The following GAS7 variants were observed in gnomAD, a reference collection of about 807,000 sequenced individuals.
GAS7 encodes growth arrest-specific protein 7.
Under a neutral mutation model 71.1 loss-of-function variants are expected in GAS7, and 28 were observed. That is an observed-to-expected ratio of 0.39 (90% CI 0.29 to 0.54). GAS7 has a LOEUF of 0.54. GAS7 is among the 20% of genes least tolerant of loss of function. The pLI, the probability that GAS7 is intolerant of heterozygous loss-of-function variation, is 0.62. For missense variants in GAS7, 436 were observed against 627.8 expected, an observed-to-expected ratio of 0.69 and a Z score of 3.27; for synonymous variants, 258 against 245.8, an observed-to-expected ratio of 1.05 and a Z score of -0.46.
In GAS7 at chr17:9,915,115, T is replaced by C. The variant is rs1850050378; in HGVS notation, c.*2113A>G. The C allele has an allele frequency of 4.3e-6, 1 of 230,766 alleles. No homozygotes were observed. The highest frequency in any genetic ancestry group is 1.8e-4 in the South Asian group (1 of 5,474). 14.3% of individuals were successfully genotyped at this position (230,766 alleles called of 1,614,324 possible). On this transcript the variant is annotated 3_prime_UTR_variant, in exon 14 of 14. Transcript: ENST00000432992. ...GGTGAGGGGATGAGGGGGGAAAGAG[T>C]GACCTCCAAAAATGGACTGGCCCAA...
chr17:9,934,499 G>T (rs947561398), intron 8 of GAS7, among the ~76,000 whole-genome samples: 2 of 146,394 alleles, frequency 1.4e-5, no homozygotes, highest in African/African-American at 5.1e-5. Context: ...GCCAAGAGGT[G>T]GGGGGGGTGG....
At chr17:9,935,640 C>G (rs1033912384) in intron 8 of GAS7, among the ~76,000 whole-genome samples, 2 of 152,230 alleles carry the variant, frequency 1.3e-5, no homozygotes, top group African/African-American at 4.8e-5. Context: ...GCAGATCCCT[C>G]TGATGGCTGG....
At chr17:10,064,702 T>A (rs2152244150) in intron 1 of GAS7, among the ~76,000 whole-genome samples, 1 of 152,284 alleles carries the variant, frequency 6.6e-6, no homozygotes. Context: ...GGAAGAGGGC[T>A]GATGAGGAAG....
chr17:10,135,944 C>T (rs2142091826), intron 1 of GAS7, among the ~76,000 whole-genome samples: 1 of 152,258 alleles, frequency 6.6e-6, no homozygotes, highest in East Asian at 1.9e-4. Flanking sequence ...TTTTGGAGTT[C>T]AGATGTGGGG....
chr17:10,159,952 A>G (rs1464712562), intron 1 of GAS7, among the ~76,000 whole-genome samples: 1 of 150,574 alleles, frequency 6.6e-6, no homozygotes, highest in Admixed American at 6.6e-5. Context: ...CACCTAGCTA[A>G]TTTTTTTGTA....
At chr17:10,041,213 T>G (rs1188433555) in intron 1 of GAS7, among the ~76,000 whole-genome samples, 1 of 151,106 alleles carries the variant, frequency 6.6e-6, no homozygotes, top group East Asian at 1.9e-4. Flanking sequence ...TGAACCTAGA[T>G]GGCCAAGACC....
In GAS7 at chr17:10,118,888, C is replaced by T. The variant is rs1055930138; in HGVS notation, c.183+79320G>A. Among the ~76,000 whole-genome samples the T allele has an allele frequency of 4.6e-5, 7 of 152,162 alleles. No homozygotes were observed. The East Asian group carries it at 7.8e-4, about 17-fold the overall frequency. ...CCCCTCCCACTGGACACCAGCACAA[C>T]GTACACATGCCACATGGTGACATGC... On this transcript the variant is annotated intron_variant, in intron 1 of 13. Transcript: ENST00000432992.
rs1171595470 is a variant in GAS7 at position 9,925,672 on chromosome 17, G to A, written c.1015-73C>T. On this transcript the variant is annotated intron_variant, in intron 10 of 13. Transcript: ENST00000432992. ...TGGGCCTCCTGGGCCACGCAGCCCA[G>A]CTTCCCTTTGGAGTCCTTTCGCCCC... 4 of 1,559,864 alleles carry A rather than the reference G, an allele frequency of 2.6e-6. No homozygotes were observed. In the African/African-American group the frequency reaches 5.4e-5, roughly 21 times the overall value.
intron 4 of GAS7, among the ~76,000 whole-genome samples, chr17:9,964,611 A>G (rs2069631448): frequency 6.6e-6 from 1 of 152,180 alleles, no homozygotes; most frequent in South Asian, 2.1e-4. Context: ...ACCCTTGCTC[A>G]TCATTCCAGT....
rs370125054 is a variant in GAS7, at chr17:9,969,766, C to A, written c.386-4G>T. On this transcript the variant is annotated splice_region_variant and splice_polypyrimidine_tract_variant and intron_variant, in intron 3 of 13. Transcript: ENST00000432992. The surrounding 1 kb of genome is among the most constrained non-coding windows in gnomAD (Gnocchi z 5.5). ...CCTGATGCGTGGTATCCATTCACTG[C>A]AGGGACAGAGACACGGCTCAGATGC... 6.3e-7 allele frequency: 1 copy of A among 1,596,276 alleles called. No homozygotes were observed.
intron 1 of GAS7, among the ~76,000 whole-genome samples, chr17:10,044,136 G>A (rs981079806): frequency 6.6e-6 from 1 of 152,188 alleles, no homozygotes; most frequent in Non-Finnish European, 1.5e-5. Flanking sequence ...TGCTTCTGGG[G>A]AATGCTTTCA....
intron 1 of GAS7, among the ~76,000 whole-genome samples, chr17:10,161,880 C>T (rs533393760): frequency 6.6e-6 from 1 of 151,890 alleles, no homozygotes; most frequent in Non-Finnish European, 1.5e-5. Context: ...CTGGTTAACG[C>T]GGTGAAACCC....
rs572012844 is a variant in GAS7 at position 10,000,862 on chromosome 17, C to T, written c.304+18915G>A. Among the ~76,000 whole-genome samples the T allele has an allele frequency of 7.2e-5, 11 of 152,300 alleles. No homozygotes were observed. In the South Asian group the frequency reaches 2.3e-3, roughly 32 times the overall value. ...CACCCATCTACCCAATCAGCACATA[C>T]CATTTGTATATACCAGGAGCAGAAA... is the stretch of plus-strand genomic sequence containing the variant. On this transcript the variant is annotated intron_variant, in intron 2 of 13. Transcript: ENST00000432992.
At chr17:10,158,844 G>C (rs560890412) in intron 1 of GAS7, among the ~76,000 whole-genome samples, 2 of 151,260 alleles carry the variant, frequency 1.3e-5, no homozygotes, top group African/African-American at 2.4e-5. Context: ...CATTTGAGCT[G>C]AGGAGTTCAA....
intron 1 of GAS7, among the ~76,000 whole-genome samples, chr17:10,116,020 G>A (rs1265122841): frequency 6.6e-6 from 1 of 152,188 alleles, no homozygotes; most frequent in Non-Finnish European, 1.5e-5. Flanking sequence ...ATCAAAATGA[G>A]GTTGGGTTGG....
At chr17:10,090,807 G>A (rs141503267) in intron 1 of GAS7, among the ~76,000 whole-genome samples, 6 of 152,236 alleles carry the variant, frequency 3.9e-5, no homozygotes, top group Admixed American at 6.5e-5. Context: ...GTCTCAAAAC[G>A]ACGGGATGGC....
In GAS7 at chr17:9,913,619, G is replaced by A. The variant is rs186250318; in HGVS notation, c.*3609C>T. The A allele has an allele frequency of 3.0e-5, 7 of 230,488 alleles. No individual in the cohort carries two copies. The East Asian group carries it at 3.7e-4, about 12-fold the overall frequency. 14.3% of individuals were successfully genotyped at this position (230,488 alleles called of 1,614,324 possible). A position where few individuals can be genotyped will look rare whatever the true frequency, so the allele number is the denominator to read the frequency against. Reference sequence around the variant, plus strand: ...GACTAGCAGAGCACTGCCTCCCACCGCAGAAATTCTCCTTGGCCAACAGGG... The same window carrying A: ...GACTAGCAGAGCACTGCCTCCCACCACAGAAATTCTCCTTGGCCAACAGGG... On this transcript the variant is annotated 3_prime_UTR_variant, in exon 14 of 14. Coordinates refer to ENST00000432992, the MANE Select transcript of GAS7 (RefSeq NM_201433.2).
chr17:9,914,991 C>A lies in GAS7; in HGVS notation c.*2237G>T, dbSNP rs1028395424. The A allele has an allele frequency of 1.7e-5, 4 of 232,198 alleles. No individual in the cohort carries two copies. The highest frequency in any genetic ancestry group is 3.4e-5 in the Non-Finnish European group (4 of 117,508). The allele number at this position is 232,198 out of a possible 1,614,324, so 14.4% of individuals were successfully genotyped here. ...CCTGACGACAGGGCCATTATAGTGT[C>A]CTCAGATTAGATCTTAGCACAATGG... On this transcript the variant is annotated 3_prime_UTR_variant, in exon 14 of 14. Coordinates refer to ENST00000432992, the MANE Select transcript of GAS7 (RefSeq NM_201433.2).
intron 2 of GAS7, among the ~76,000 whole-genome samples, chr17:9,998,468 C>T (rs956883069): frequency 6.6e-6 from 1 of 151,570 alleles, no homozygotes; most frequent in Non-Finnish European, 1.5e-5. Context: ...GGCAAGACTG[C>T]GGAGAGAAAG....
Sources: gnomAD v4.1 joint callset for allele counts (sites outside exome capture counted in the v4.1 genomes callset) on GRCh38, gnomAD v4.1.1 for gene constraint, Gnocchi (gnomAD v3.1) non-coding constraint, MANE v1.5 for transcripts, NCBI Gene and HGNC (gene_info 2026-07-23, HGNC 2026-07-21) for gene names.